The following PTH2R variants were observed in gnomAD, a reference collection of about 807,000 sequenced individuals.
PTH2R encodes the protein PTH2 receptor.
In PTH2R, 59 loss-of-function variants were observed where a neutral mutation model predicts 60.3. That is an observed-to-expected ratio of 0.98 (90% confidence interval 0.79 to 1.22). PTH2R has a LOEUF of 1.22. Among genes scored for constraint, PTH2R ranks in the 50% most tolerant of loss-of-function variants. PTH2R has a pLI of 0.00. For synonymous variants in PTH2R, 256 were observed against 243.8 expected (o/e 1.05, Z -0.47); for missense variants, 749 against 682.6 (o/e 1.10, Z -1.08).
chr2:208,469,078 A>G (rs901686660), intron 9 of PTH2R, among the ~76,000 whole-genome samples: 1 of 152,226 alleles, frequency 6.6e-6, no homozygotes, highest in Admixed American at 6.5e-5. Context: ...AGGTCACACG[A>G]CTAGTATGAT....
intron 1 of PTH2R, among the ~76,000 whole-genome samples, chr2:208,389,826 G>A (rs1339588393): frequency 6.6e-6 from 1 of 151,874 alleles, no homozygotes; most frequent in African/African-American, 2.4e-5. Context: ...GGGGTTGTTT[G>A]TTTTCTAAAC....
In PTH2R at chr2:208,390,676, T is replaced by C. The variant is rs183746372; in HGVS notation, c.-259+30439T>C. Among the ~76,000 whole-genome samples, 266 of 152,308 alleles carry C rather than the reference T, an allele frequency of 1.7e-3. No individual in the cohort carries two copies. The Middle Eastern group carries it at 0.024, about 14-fold the overall frequency. The stretch of plus-strand genomic sequence containing the variant: ...AAGCAAAATGCTACAGTAATTGAGA[T>C]TCTCTGTCTGATTTTCCACCCTGAG... On this transcript the variant is annotated intron_variant, in intron 1 of 12. Transcript: ENST00000617735.
In PTH2R at chr2:208,474,166, T is replaced by C. The variant is rs75802616; in HGVS notation, c.982-6904T>C. 5.8e-3 allele frequency among the ~76,000 whole-genome samples: 881 copies of C among 152,352 alleles called. 11 individuals are homozygous for C. The highest frequency in any genetic ancestry group is 0.02 in the African/African-American group (825 of 41,570). On this transcript the variant is annotated intron_variant, in intron 9 of 12. Transcript: ENST00000272847. ...AAATGAAGTTTTCTAAAAAGGAAATTGGATATTGTAATATCTACTTCATAG... is the reference window on the plus strand; with the variant it reads ...AAATGAAGTTTTCTAAAAAGGAAATCGGATATTGTAATATCTACTTCATAG...
intron 5 of PTH2R, 81 bp from the exon 6 acceptor site, chr2:208,443,267 G>T: frequency 2.4e-6 from 3 of 1,240,194 alleles, no homozygotes; most frequent in Non-Finnish European, 3.3e-6. Flanking sequence ...CAGGCTGGTT[G>T]GTGGTGGCAG....
intron 1 of PTH2R, among the ~76,000 whole-genome samples, chr2:208,426,869 A>G (rs1258203287): frequency 6.6e-6 from 1 of 152,150 alleles, no homozygotes; most frequent in Non-Finnish European, 1.5e-5. Context: ...GACTAATACA[A>G]TGACTAAAGA....
intron 1 of PTH2R, among the ~76,000 whole-genome samples, chr2:208,387,237 A>T (rs1701018681): frequency 6.6e-6 from 1 of 152,236 alleles, no homozygotes; most frequent in Non-Finnish European, 1.5e-5. Flanking sequence ...TCCATGAGAT[A>T]GAAAGAACAT....
chr2:208,377,793 G>A (rs1252218492), intron 1 of PTH2R, among the ~76,000 whole-genome samples: 4 of 151,640 alleles, frequency 2.6e-5, no homozygotes, highest in African/African-American at 9.7e-5. Context: ...GGGCAGAGGC[G>A]CTTCCCGCAT....
chr2:208,391,991 C>T (rs1268984593), intron 1 of PTH2R, among the ~76,000 whole-genome samples: 1 of 152,170 alleles, frequency 6.6e-6, no homozygotes. Context: ...CAGTGCCTGT[C>T]CAAACAGACG....
chr2:208,360,906 G>A (rs556799643), intron 1 of PTH2R: 15 of 210,088 alleles, frequency 7.1e-5, no homozygotes, highest in African/African-American at 3.5e-4. Flanking sequence ...GATGTATACC[G>A]AGGATCCCAT....
At chr2:208,434,375 C>T (rs1559218855) in intron 2 of PTH2R, among the ~76,000 whole-genome samples, 1 of 151,888 alleles carries the variant, frequency 6.6e-6, no homozygotes, top group Non-Finnish European at 1.5e-5. Flanking sequence ...TGAACATTTA[C>T]TATTCTCTTT....
At position 208,429,857 on chromosome 2, in the gene PTH2R, C is replaced by G. The variant is rs2105856655; in HGVS notation, c.178+1554C>G. ...AACAGGACACACATAGAGTTTTTCT[C>G]ATTATCCATTCTGATAATCTTTGTC... On this transcript the variant is annotated intron_variant, in intron 2 of 12. Transcript: ENST00000272847. Among the ~76,000 whole-genome samples the G allele has an allele frequency of 1.3e-5, 2 of 152,286 alleles. 1 individual carries two copies. The highest frequency in any genetic ancestry group is 4.1e-4 in the South Asian group (2 of 4,826).
intron 1 of PTH2R, among the ~76,000 whole-genome samples, chr2:208,423,311 C>G (rs905911941): frequency 6.6e-6 from 1 of 152,074 alleles, no homozygotes; most frequent in African/African-American, 2.4e-5. Flanking sequence ...GTTCAATGTA[C>G]TTTTGATTTC....
At chr2:208,454,321 C>G (rs1008719931) in intron 8 of PTH2R, among the ~76,000 whole-genome samples, 1 of 152,106 alleles carries the variant, frequency 6.6e-6, no homozygotes. Context: ...GCCCTAACCC[C>G]CAATGTGACT....
intron 2 of PTH2R, among the ~76,000 whole-genome samples, chr2:208,432,251 G>C (rs915313417): frequency 6.6e-6 from 1 of 152,156 alleles, no homozygotes; most frequent in Non-Finnish European, 1.5e-5. Flanking sequence ...ATATTATTAT[G>C]TGCCCAGAGT....
At chr2:208,468,848 A>G (rs1407653935) in intron 9 of PTH2R, among the ~76,000 whole-genome samples, 1 of 152,188 alleles carries the variant, frequency 6.6e-6, no homozygotes, top group East Asian at 1.9e-4. Flanking sequence ...TTCTAAACTT[A>G]TGATACCTAG....
At chr2:208,415,023 G>C (rs1005665861) in intron 1 of PTH2R, among the ~76,000 whole-genome samples, 1 of 152,116 alleles carries the variant, frequency 6.6e-6, no homozygotes, top group Non-Finnish European at 1.5e-5. Context: ...AAGGAGACAT[G>C]ACAACTAAAC....
intron 1 of PTH2R, among the ~76,000 whole-genome samples, chr2:208,376,105 C>T (rs1484674589): frequency 6.6e-6 from 1 of 152,148 alleles, no homozygotes; most frequent in East Asian, 1.9e-4. Context: ...AAATGCTTCA[C>T]TGCCATTTCA....
At chr2:208,419,899 T>C (rs927801163) in intron 1 of PTH2R, among the ~76,000 whole-genome samples, 11 of 152,138 alleles carry the variant, frequency 7.2e-5, no homozygotes, top group Non-Finnish European at 1.6e-4. Flanking sequence ...TGTCCAACAA[T>C]GATAGACTGG....
intron 4 of PTH2R, among the ~76,000 whole-genome samples, chr2:208,438,442 G>T (rs1326853325): frequency 6.6e-6 from 1 of 152,120 alleles, no homozygotes; most frequent in East Asian, 1.9e-4. Context: ...CCGAGATTAG[G>T]TGTTGGTCAA....
Sources: allele counts gnomAD v4.1 joint callset (sites outside exome capture counted in the v4.1 genomes callset), GRCh38; gene constraint gnomAD v4.1.1; transcripts MANE v1.5; gene names NCBI Gene and HGNC (gene_info 2026-07-23, HGNC 2026-07-21).